Variants in SLC60A1 observed in about 807,000 individuals in gnomAD.
SLC60A1 encodes the protein major facilitator superfamily domain containing 4.
At chr1:205,582,169 G>A in the SLC60A1 span, among the ~76,000 whole-genome samples, 14 of 152,218 alleles carry the variant, frequency 9.2e-5, no homozygotes, top group African/African-American at 3.4e-4. Flanking sequence ...TTCCTTCCAG[G>A]AGAGACCTGC....
the SLC60A1 span, chr1:205,599,915 C>G: frequency 2.1e-5 from 3 of 140,156 alleles, no homozygotes; most frequent in African/African-American, 7.4e-5. Flanking sequence ...CAGGCGGAGA[C>G]TCTGTCCTCC....
At chr1:205,580,867 G>T in the SLC60A1 span, 1 of 1,614,122 alleles carries the variant, frequency 6.2e-7, no homozygotes, top group Non-Finnish European at 8.5e-7. The surrounding 1 kb of genome is among the most constrained non-coding windows in gnomAD (Gnocchi z 5.0). Context: ...TGACTCCAAA[G>T]GACGGGGCAG....
the SLC60A1 span, chr1:205,569,043 A>G: frequency 7.4e-7 from 1 of 1,348,404 alleles, no homozygotes. Flanking sequence ...CGCCGGGACC[A>G]GATCCGCGAG....
the SLC60A1 span, among the ~76,000 whole-genome samples, chr1:205,569,963 C>G: frequency 6.6e-6 from 1 of 151,876 alleles, no homozygotes; most frequent in African/African-American, 2.4e-5. Flanking sequence ...AGGACCTCAC[C>G]GTTAAGGCCA....
At chr1:205,582,279 C>A in the SLC60A1 span, among the ~76,000 whole-genome samples, 1 of 152,234 alleles carries the variant, frequency 6.6e-6, no homozygotes, top group Non-Finnish European at 1.5e-5. Context: ...TCTCTTGCCC[C>A]ATGAAGTGCA....
the SLC60A1 span, chr1:205,584,148 C>A: frequency 1.9e-6 from 3 of 1,606,642 alleles, no homozygotes; most frequent in East Asian, 6.7e-5. Flanking sequence ...GAATCTGCAT[C>A]CTCACAGCCT....
At chr1:205,590,617 T>C in the SLC60A1 span, among the ~76,000 whole-genome samples, 3 of 152,218 alleles carry the variant, frequency 2.0e-5, no homozygotes, top group Non-Finnish European at 2.9e-5. Flanking sequence ...GATTTTCCAA[T>C]TGGAGCAACT....
chr1:205,573,663 A>C, the SLC60A1 span, among the ~76,000 whole-genome samples: 1 of 152,140 alleles, frequency 6.6e-6, no homozygotes, highest in African/African-American at 2.4e-5. Context: ...GTGGAGATGA[A>C]TGGGGAGTGA....
chr1:205,584,371 G>A, the SLC60A1 span, among the ~76,000 whole-genome samples: 2 of 151,592 alleles, frequency 1.3e-5, no homozygotes. Context: ...ACAGTCACAT[G>A]CCACTACACC....
At chr1:205,590,846 C>T in the SLC60A1 span, among the ~76,000 whole-genome samples, 1 of 152,182 alleles carries the variant, frequency 6.6e-6, no homozygotes, top group South Asian at 2.1e-4. Context: ...CACAGAGAAA[C>T]ACTAGGACTC....
At chr1:205,592,366 CT>C in the SLC60A1 span, 9 of 828,298 alleles carry the variant, frequency 1.1e-5, no homozygotes, top group Non-Finnish European at 1.5e-5. Flanking sequence ...TCTCTCTGTG[CT>C]CTTTTTTTTT....
At chr1:205,576,429 C>G in the SLC60A1 span, among the ~76,000 whole-genome samples, 1 of 152,168 alleles carries the variant, frequency 6.6e-6, no homozygotes, top group Admixed American at 6.5e-5. Context: ...TCATGCAGAG[C>G]TTGTTATCCC....
chr1:205,576,675 G>C, the SLC60A1 span, among the ~76,000 whole-genome samples: 2 of 152,206 alleles, frequency 1.3e-5, no homozygotes, highest in African/African-American at 2.4e-5. Context: ...AATGTATTTC[G>C]GTCTGGCTCT....
At chr1:205,592,366 CTCTTTT>C in the SLC60A1 span, 7 of 828,276 alleles carry the variant, frequency 8.5e-6, no homozygotes, top group Non-Finnish European at 8.3e-6. Context: ...TCTCTCTGTG[CTCTTTT>C]TTTTTTTTTT....
chr1:205,584,537 CTT>C, the SLC60A1 span, among the ~76,000 whole-genome samples: 788 of 128,516 alleles, frequency 6.1e-3, 2 homozygotes, highest in African/African-American at 0.019. Context: ...GGTGATAGTC[CTT>C]TTTTTTTTTA....
chr1:205,599,992 T>C, the SLC60A1 span: 1 of 156,976 alleles, frequency 6.4e-6, no homozygotes, highest in Non-Finnish European at 1.4e-5. Flanking sequence ...TCTCAGTGGG[T>C]GAACATATCT....
chr1:205,596,991 AG>A, the SLC60A1 span, among the ~76,000 whole-genome samples: 1 of 152,200 alleles, frequency 6.6e-6, no homozygotes, highest in Non-Finnish European at 1.5e-5. Context: ...TTGGAACCCA[AG>A]TCTGACTCTG....
At chr1:205,578,197 C>T in the SLC60A1 span, among the ~76,000 whole-genome samples, 13 of 152,194 alleles carry the variant, frequency 8.5e-5, no homozygotes, top group African/African-American at 2.9e-4. Flanking sequence ...AATGTCATGT[C>T]CTGGTACCCG....
chr1:205,593,074 G>A, the SLC60A1 span, among the ~76,000 whole-genome samples: 102,695 of 151,894 alleles, frequency 0.68, 35,907 homozygotes, highest in Non-Finnish European at 0.77. Flanking sequence ...CTAGCCTCCC[G>A]AGTGCCTATA....
Sources: allele counts gnomAD v4.1 joint callset (sites outside exome capture counted in the v4.1 genomes callset), GRCh38; gene constraint gnomAD v4.1.1; non-coding constraint Gnocchi (gnomAD v3.1); transcripts MANE v1.5; gene names NCBI Gene and HGNC (gene_info 2026-07-23, HGNC 2026-07-21).